Variants in SHBG observed in about 807,000 individuals in gnomAD.
The protein encoded by SHBG is sex hormone binding globulin.
Under a neutral mutation model 41.9 loss-of-function variants are expected in SHBG, and 37 were observed. The ratio of observed to expected loss-of-function variants is 0.88; its 90% CI spans 0.68 to 1.16. The LOEUF is 1.16. Ranked by LOEUF, SHBG falls within the 50% of genes most tolerant of loss-of-function variation. The pLI, the probability that SHBG is intolerant of heterozygous loss-of-function variation, is 0.00. For synonymous variants in SHBG, 217 were observed against 205.8 expected, an observed-to-expected ratio of 1.05 and a Z score of -0.47; for missense variants, 466 against 499.9, an observed-to-expected ratio of 0.93 and a Z score of 0.65.
chr17:7,623,046 A>C (rs1016892401), upstream of SHBG, among the ~76,000 whole-genome samples: 29 of 151,888 alleles, frequency 1.9e-4, no homozygotes, highest in Admixed American at 3.3e-4. Context: ...CAAAAAAAAA[A>C]AAAAAGTAAA....
At chr17:7,625,405 G>A (rs1039913484), upstream of SHBG, among the ~76,000 whole-genome samples, 39 of 151,384 alleles carry the variant, frequency 2.6e-4, no homozygotes, top group African/African-American at 7.0e-4. Context: ...GTGAAACCCC[G>A]TCTCTACTAA....
At chr17:7,624,993 A>G (rs2072168766), upstream of SHBG, among the ~76,000 whole-genome samples, 1 of 121,994 alleles carries the variant, frequency 8.2e-6, no homozygotes, top group Non-Finnish European at 1.6e-5. Context: ...CTTGTTGCCC[A>G]GGCTGGAGTG....
intron 7 of SHBG, 27 bp downstream of exon 7, chr17:7,632,986 T>C (rs1002236681): frequency 2.5e-6 from 4 of 1,594,004 alleles, no homozygotes; most frequent in South Asian, 2.2e-5. Flanking sequence ...TTCAAGTTCA[T>C]GAGCACAACA....
At chr17:7,624,266 G>T (rs1465642495), upstream of SHBG, among the ~76,000 whole-genome samples, 1 of 149,712 alleles carries the variant, frequency 6.7e-6, no homozygotes, top group African/African-American at 2.5e-5. Context: ...CTTTTTTTTT[G>T]AGACAGAGTC....
At chr17:7,622,897 C>T (rs975048171) in intron 1 of SHBG, among the ~76,000 whole-genome samples, 3 of 150,630 alleles carry the variant, frequency 2.0e-5, no homozygotes, top group East Asian at 2.0e-4. Flanking sequence ...ATTAGCTGGG[C>T]GTGGTGGCAG....
At chr17:7,622,757 C>T (rs1443792180) in intron 1 of SHBG, among the ~76,000 whole-genome samples, 1 of 150,724 alleles carries the variant, frequency 6.6e-6, no homozygotes, top group Non-Finnish European at 1.5e-5. Context: ...GGGCTGGGCA[C>T]GGTGGCTCAC....
intron 1 of SHBG, among the ~76,000 whole-genome samples, chr17:7,618,887 T>C (rs907668929): frequency 1.3e-5 from 2 of 152,078 alleles, no homozygotes; most frequent in African/African-American, 4.8e-5. Flanking sequence ...TTCTTCAAAA[T>C]GACGTAGATT....
chr17:7,618,383 T>A (rs78785396), intron 1 of SHBG, among the ~76,000 whole-genome samples: 1 of 152,092 alleles, frequency 6.6e-6, no homozygotes, highest in East Asian at 2.0e-4. Context: ...GTGATTCTCT[T>A]GCCTCAGCCT....
chr17:7,628,695 C>T (rs1043205901), upstream of SHBG, among the ~76,000 whole-genome samples: 5 of 152,050 alleles, frequency 3.3e-5, no homozygotes, highest in Admixed American at 2.0e-4. Context: ...ATCTGCCCGC[C>T]TCAGCCTTCT....
At chr17:7,615,833 CA>C (rs544422942) in intron 1 of SHBG, among the ~76,000 whole-genome samples, 1,168 of 72,980 alleles carry the variant, frequency 0.016, 5 homozygotes, top group Admixed American at 0.022. Context: ...GACTCAGTCT[CA>C]AAAAAAAAAA....
intron 1 of SHBG, among the ~76,000 whole-genome samples, chr17:7,618,446 T>TTTTTTG (rs141489915): frequency 7.0e-6 from 1 of 143,296 alleles, no homozygotes; most frequent in Non-Finnish European, 1.6e-5. Flanking sequence ...TAGGTTTGTT[T>TTTTTTG]TTTTTGTTTT....
intron 1 of SHBG, among the ~76,000 whole-genome samples, chr17:7,621,092 C>G (rs1295861054): frequency 2.4e-3 from 51 of 21,588 alleles, no homozygotes; most frequent in Non-Finnish European, 4.2e-4. Flanking sequence ...AAGACCCTGT[C>G]ACAAAAAAAA....
chr17:7,627,699 AG>A, upstream of SHBG: 1 of 1,567,718 alleles, frequency 6.4e-7, no homozygotes, highest in Non-Finnish European at 8.8e-7. The surrounding 1 kb of genome is among the most constrained non-coding windows in gnomAD (Gnocchi z 4.8). Flanking sequence ...GACCCCTTAA[AG>A]GGCCTACGGA....
chr17:7,626,524 G>A (rs751319692), upstream of SHBG: 5 of 1,614,180 alleles, frequency 3.1e-6, no homozygotes, highest in Admixed American at 8.3e-5. Flanking sequence ...GTCAGATCTT[G>A]GGCTCCTAGG....
At chr17:7,629,189 G>A (rs1429041936), upstream of SHBG, among the ~76,000 whole-genome samples, 5 of 151,784 alleles carry the variant, frequency 3.3e-5, no homozygotes, top group African/African-American at 4.8e-5. Context: ...CCTGGGCAAC[G>A]TGGTGAAATC....
upstream of SHBG, chr17:7,626,953 CGG>C: frequency 1.2e-6 from 2 of 1,613,442 alleles, no homozygotes; most frequent in Non-Finnish European, 1.7e-6. Flanking sequence ...CCCGATATTC[CGG>C]CATCACATAG....
chr17:7,626,916 ACCCCAG>A, upstream of SHBG: 1 of 1,610,454 alleles, frequency 6.2e-7, no homozygotes, highest in Non-Finnish European at 8.5e-7. Flanking sequence ...CTTTGCTCCC[ACCCCAG>A]CCTCAGCTTC....
upstream of SHBG, chr17:7,627,840 T>A (rs879786656): frequency 1.5e-6 from 1 of 663,850 alleles, no homozygotes; most frequent in Non-Finnish European, 2.8e-6. The surrounding 1 kb of genome is among the most constrained non-coding windows in gnomAD (Gnocchi z 4.8). Flanking sequence ...AGCGAGGCGA[T>A]CCTCTGTCCG....
In SHBG at chr17:7,630,702, C is replaced by T. The variant is rs745807575; in HGVS notation, c.226C>T (p.Arg76Ter). The part of the protein sequence containing the change: ...ITKTSSSFEV[R>*]TWDPEGVIFY... ...CAGAACCTCCTCCTCCTTTGAGGTT[C>T]GAACCTGGGACCCAGAGGGAGTGAT... Residue 76 changes from arginine (R) to a stop codon, truncating the protein, a stop_gained, in exon 3 of 8, where the codon CGA (arginine) becomes TGA (stop). Coordinates refer to ENST00000380450, the MANE Select transcript of SHBG (RefSeq NM_001040.5). LOFTEE classifies it high-confidence loss of function. The surrounding 1 kb of genome is among the most constrained non-coding windows in gnomAD (Gnocchi z 4.6). 1.9e-5 allele frequency: 31 copies of T among 1,613,874 alleles called. No individual in the cohort carries two copies. Among genetic ancestry groups the T allele is most frequent in the African/African-American group, 2.7e-5 (2 of 74,896 alleles).
Sources: allele counts gnomAD v4.1 joint callset (sites outside exome capture counted in the v4.1 genomes callset), GRCh38; gene constraint gnomAD v4.1.1; non-coding constraint Gnocchi (gnomAD v3.1); transcripts MANE v1.5; gene names NCBI Gene and HGNC (gene_info 2026-07-23, HGNC 2026-07-21).